The following GABRR2 variants were observed in gnomAD, a reference collection of about 807,000 sequenced individuals.
The protein encoded by GABRR2 is gamma-aminobutyric acid receptor subunit rho-2.
GABRR2 carries 36 observed loss-of-function variants against 47.0 expected under a neutral mutation model. The ratio of observed to expected loss-of-function variants is 0.77; its 90% CI spans 0.59 to 1.01. GABRR2 has a LOEUF of 1.01. Ranked by LOEUF, GABRR2 falls within the 50% of genes least tolerant of loss-of-function variation. The probability of loss-of-function intolerance (pLI) is 0.00; values close to 1 mark genes in which losing one functional copy is unlikely to be tolerated. For missense variants in GABRR2, 587 were observed against 594.6 expected, an observed-to-expected ratio of 0.99 and a Z score of 0.13; for synonymous variants, 204 against 227.5, an observed-to-expected ratio of 0.90 and a Z score of 0.93.
chr6:89,280,273 C>G (rs1178101962), intron 2 of GABRR2, among the ~76,000 whole-genome samples: 1 of 138,614 alleles, frequency 7.2e-6, no homozygotes, highest in Non-Finnish European at 1.6e-5. Flanking sequence ...TACATATACA[C>G]ATACACACAC....
Position 89,265,669 on chromosome 6 carries a change from A to T in GABRR2, c.833T>A (p.Leu278Gln). The change falls in exon 7 of 9, where the codon CTG becomes CAG. Residue 278 changes from leucine (L) to glutamine (Q), a missense_variant. Leu to Gln is a moderately radical substitution (Grantham distance 113, BLOSUM62 -2). Coordinates refer to ENST00000402938, the MANE Select transcript of GABRR2 (RefSeq NM_002043.5). ...TYFPATLMVM[L>Q]SWVSFWIDRR... ...GTCGATCCAGAAGGACACCCAGGAC[A>T]GCATGACCATCAGAGTGGCAGGGAA... The T allele has an allele frequency of 6.2e-7, 1 of 1,614,236 alleles. No individual in the cohort carries two copies.
chr6:89,284,347 G>A (rs1184241922), intron 2 of GABRR2, among the ~76,000 whole-genome samples: 3 of 152,182 alleles, frequency 2.0e-5, no homozygotes, highest in Non-Finnish European at 4.4e-5. Context: ...ATGCCCCAGA[G>A]ATTTATACAT....
intron 8 of GABRR2, among the ~76,000 whole-genome samples, chr6:89,261,851 C>T (rs991608431): frequency 1.3e-5 from 2 of 152,050 alleles, no homozygotes; most frequent in African/African-American, 4.8e-5. Context: ...CCAGTCTTGG[C>T]AACATGGCAA....
chr6:89,294,571 T>C (rs1161434252), intron 2 of GABRR2, among the ~76,000 whole-genome samples: 1 of 151,954 alleles, frequency 6.6e-6, no homozygotes, highest in Non-Finnish European at 1.5e-5. Flanking sequence ...ATGACCTGCT[T>C]AGTATGGTGG....
At chr6:89,289,385 T>G (rs1562376530) in intron 2 of GABRR2, among the ~76,000 whole-genome samples, 1 of 152,136 alleles carries the variant, frequency 6.6e-6, no homozygotes, top group South Asian at 2.1e-4. Flanking sequence ...CTAAGAGATA[T>G]GGGAGAGCCA....
chr6:89,304,058 G>T (rs768498924), intron 1 of GABRR2, among the ~76,000 whole-genome samples: 29 of 152,192 alleles, frequency 1.9e-4, no homozygotes, highest in Non-Finnish European at 3.5e-4. Context: ...AAGATTTCAT[G>T]ATGGAGACAC....
chr6:89,298,060 G>A (rs1774587369), intron 2 of GABRR2, among the ~76,000 whole-genome samples: 1 of 152,176 alleles, frequency 6.6e-6, no homozygotes, highest in Non-Finnish European at 1.5e-5. Context: ...TTCCTTGGCA[G>A]GCTTGCCCAT....
In GABRR2 at chr6:89,269,542, GCT is replaced by G. The variant is rs1773996011; in HGVS notation, c.289-310_289-309del. Reference sequence around the variant, plus strand: ...TGGGGAAGGATTTCTCCAAAGCTCTGCTCTCTCTCACTTAGACCTCTGCACAC... The same window carrying G: ...TGGGGAAGGATTTCTCCAAAGCTCTGCTCTCTCACTTAGACCTCTGCACAC... On this transcript the variant is annotated intron_variant, in intron 3 of 8. Coordinates refer to ENST00000402938, the MANE Select transcript of GABRR2 (RefSeq NM_002043.5). Among the ~76,000 whole-genome samples the G allele has an allele frequency of 5.9e-5, 9 of 152,360 alleles. 1 individual carries two copies. The South Asian group carries it at 1.9e-3, about 32-fold the overall frequency.
chr6:89,262,775 GA>G (rs1355157351), intron 8 of GABRR2, among the ~76,000 whole-genome samples: 8 of 152,198 alleles, frequency 5.3e-5, no homozygotes, highest in African/African-American at 1.7e-4. Flanking sequence ...TCATAAATAT[GA>G]GATTTTCATG....
Position 89,271,819 on chromosome 6 carries a change from A to G in GABRR2, c.221-97T>C, listed in dbSNP as rs566494692. 1.5e-5 allele frequency: 14 copies of G among 930,900 alleles called. No individual in the cohort carries two copies. The South Asian group carries it at 1.7e-4, about 11-fold the overall frequency. 57.7% of individuals were successfully genotyped at this position (930,900 alleles called of 1,614,324 possible). Reference sequence around the variant, plus strand: ...GCTTCCCCCGGGGAGCCAGGACTGGAGCAGAGTAGGGCAGAGGTTTAGAAT... The same window carrying G: ...GCTTCCCCCGGGGAGCCAGGACTGGGGCAGAGTAGGGCAGAGGTTTAGAAT... On this transcript the variant is annotated intron_variant, in intron 2 of 8. Coordinates refer to ENST00000402938, the MANE Select transcript of GABRR2 (RefSeq NM_002043.5).
chr6:89,312,853 C>T (rs1442598828), intron 1 of GABRR2, among the ~76,000 whole-genome samples: 1 of 152,176 alleles, frequency 6.6e-6, no homozygotes, highest in Admixed American at 6.5e-5. Flanking sequence ...ATGTGTTCAT[C>T]TTTTCCCACT....
At chr6:89,273,487 G>A (rs544136251) in intron 2 of GABRR2, among the ~76,000 whole-genome samples, 21 of 152,242 alleles carry the variant, frequency 1.4e-4, no homozygotes, top group African/African-American at 3.4e-4. Flanking sequence ...CGCCCGCCTC[G>A]GCCTCCCAAA....
intron 2 of GABRR2, among the ~76,000 whole-genome samples, chr6:89,290,413 A>G (rs1241470287): frequency 6.6e-6 from 1 of 152,238 alleles, no homozygotes; most frequent in Non-Finnish European, 1.5e-5. Context: ...TCTCAGGACC[A>G]GGGGCAGGCA....
intron 2 of GABRR2, among the ~76,000 whole-genome samples, chr6:89,291,700 C>A (rs1045771951): frequency 5.9e-5 from 9 of 152,204 alleles, no homozygotes; most frequent in African/African-American, 2.2e-4. Context: ...TCTCTTACTC[C>A]ATCAGTAGAG....
chr6:89,292,773 A>G (rs200846109), intron 2 of GABRR2, among the ~76,000 whole-genome samples: 9 of 38,042 alleles, frequency 2.4e-4, no homozygotes, highest in Admixed American at 8.7e-4. Context: ...GATATATCGT[A>G]TATATCGTAT....
At chr6:89,271,768 C>A (rs1396595456) in intron 2 of GABRR2, 46 bp from the exon 3 acceptor site, 3 of 1,562,396 alleles carry the variant, frequency 1.9e-6, no homozygotes, top group South Asian at 1.2e-5. Flanking sequence ...TCCTCTCTAC[C>A]TTTGGGCTGG....
Position 89,257,655 on chromosome 6 carries a change from A to G in GABRR2, c.*15T>C, listed in dbSNP as rs1243122421. 1.9e-6 allele frequency: 3 copies of G among 1,597,130 alleles called. No individual in the cohort carries two copies. The highest frequency in any genetic ancestry group is 2.7e-5 in the African/African-American group (2 of 74,570). ...TCGATGTCTATGCCCTCTTCTAGGAACAGCCTTGGAGCCCCTAGGAAAACA... is the reference window on the plus strand; with the variant it reads ...TCGATGTCTATGCCCTCTTCTAGGAGCAGCCTTGGAGCCCCTAGGAAAACA... On this transcript the variant is annotated 3_prime_UTR_variant, in exon 9 of 9. Coordinates refer to ENST00000402938, the MANE Select transcript of GABRR2 (RefSeq NM_002043.5).
intron 2 of GABRR2, among the ~76,000 whole-genome samples, chr6:89,295,639 C>T: frequency 6.6e-6 from 1 of 152,006 alleles, no homozygotes; most frequent in Non-Finnish European, 1.5e-5. Flanking sequence ...TAATTAGATC[C>T]CATTTGTCAA....
Position 89,268,656 on chromosome 6 carries a change from C to CGG in GABRR2, c.512+353_512+354dup, listed in dbSNP as rs11304629. Among the ~76,000 whole-genome samples, 244 of 148,328 alleles carry CGG rather than the reference C, an allele frequency of 1.6e-3. 1 individual carries two copies. The highest frequency in any genetic ancestry group is 2.8e-3 in the African/African-American group (115 of 40,542). ...ACACAGTAGCTATTTTTTTGGGGGACGGGGGGGGGCTTTTTTTTTAATCTA... is the reference window on the plus strand; with the variant it reads ...ACACAGTAGCTATTTTTTTGGGGGACGGGGGGGGGGGCTTTTTTTTTAATCTA... On this transcript the variant is annotated intron_variant, in intron 4 of 8. Transcript: ENST00000402938.
Sources: gnomAD v4.1 joint callset for allele counts (sites outside exome capture counted in the v4.1 genomes callset) on GRCh38, gnomAD v4.1.1 for gene constraint, MANE v1.5 for transcripts, NCBI Gene and HGNC (gene_info 2026-07-23, HGNC 2026-07-21) for gene names.